The following MACF1 variants were observed in gnomAD, a reference collection of about 807,000 sequenced individuals.
The protein encoded by MACF1 is microtubule actin crosslinking factor 1.
A neutral mutation model predicts 854.8 loss-of-function variants in MACF1; 193 were observed. The ratio of observed to expected loss-of-function variants is 0.23; its 90% CI spans 0.20 to 0.25. MACF1 has a LOEUF of 0.25. MACF1 is among the 10% of genes least tolerant of loss of function. MACF1 has a pLI of 1.00. For missense variants in MACF1, 7,722 were observed against 8,929.1 expected (o/e 0.86, Z 5.45); for synonymous variants, 3,185 against 3,226.7 (o/e 0.99, Z 0.44).
chr1:39,195,222 A>C (rs1388315444), intron 2 of MACF1, among the ~76,000 whole-genome samples: 1 of 151,984 alleles, frequency 6.6e-6, no homozygotes, highest in Non-Finnish European at 1.5e-5. Context: ...TTTTCCAGGC[A>C]CTTGTTCTCG....
intron 70 of MACF1, among the ~76,000 whole-genome samples, chr1:39,437,459 C>T (rs190998331): frequency 2.0e-5 from 3 of 152,012 alleles, no homozygotes; most frequent in African/African-American, 4.8e-5. Flanking sequence ...TACGGGCGTG[C>T]GCCACCACAC....
At chr1:39,440,226 C>T (rs1266749964) in intron 72 of MACF1, among the ~76,000 whole-genome samples, 1 of 150,512 alleles carries the variant, frequency 6.6e-6, no homozygotes, top group Non-Finnish European at 1.5e-5. Flanking sequence ...AATCCAGCCA[C>T]CTCAGCTTCC....
intron 89 of MACF1, 148 bp downstream of exon 89, chr1:39,455,245 A>G (rs1188536672): frequency 2.7e-6 from 2 of 752,208 alleles, no homozygotes; most frequent in South Asian, 2.0e-5. Flanking sequence ...TACTTACCTC[A>G]TAGTTTCTGT....
At position 39,319,649 on chromosome 1, in the gene MACF1, T is replaced by C. The variant is rs757049176; in HGVS notation, c.3946-15T>C. The C allele has an allele frequency of 3.2e-5, 51 of 1,582,684 alleles. No individual in the cohort carries two copies. Among genetic ancestry groups the C allele is most frequent in the Non-Finnish European group, 4.2e-5 (48 of 1,152,226 alleles). ...GGTAATGGCAATGATAATGTTGTGA[T>C]ATTTTGCTTCCTAGGCCCTATTTGC... On this transcript the variant is annotated splice_polypyrimidine_tract_variant and intron_variant, in intron 30 of 100. Transcript: ENST00000564288.
rs191652466 is a variant in MACF1 at position 39,444,423 on chromosome 1, C to T, written c.19432-239C>T. 2.7e-3 allele frequency among the ~76,000 whole-genome samples: 417 copies of T among 152,128 alleles called. 2 individuals carry two copies. Among genetic ancestry groups the T allele is most frequent in the Non-Finnish European group, 4.6e-3 (311 of 67,998 alleles). On this transcript the variant is annotated intron_variant, in intron 79 of 100. Coordinates refer to ENST00000564288, the MANE Select transcript of MACF1 (RefSeq NM_001394062.1). ...TGTTATTTAGTAAAATATGTTAATA[C>T]TTACATTTTAATACAAATGAATTCT...
In MACF1 at chr1:39,332,656, C is replaced by A. The variant is rs1354810061; in HGVS notation, c.6068C>A (p.Ala2023Asp). 6.2e-7 allele frequency: 1 copy of A among 1,614,128 alleles called. No homozygotes were observed. Among genetic ancestry groups the A allele is most frequent in the Non-Finnish European group, 8.5e-7 (1 of 1,180,010 alleles). The change falls in exon 37 of 101, where the codon GCT becomes GAT. Residue 2023 changes from alanine to aspartate, a missense_variant. Around this residue, in one of 15 missense-constraint regions of MACF1, gnomAD observed 1,531 missense variants for 1,601.6 expected, o/e 0.96. Coordinates refer to ENST00000564288, the MANE Select transcript of MACF1 (RefSeq NM_001394062.1). Reference protein sequence around the residue: ...QKTPEGLQESANVKISGTFSS... With the variant: ...QKTPEGLQESDNVKISGTFSS... The stretch of plus-strand genomic sequence containing the variant: ...ACTCCTGAGGGATTGCAAGAATCAG[C>A]TAATGTGAAAATCTCAGGAACTTTC...
In MACF1 at chr1:39,343,057, C is replaced by G. The variant is rs59480992; in HGVS notation, c.10581+2104C>G. On this transcript the variant is annotated intron_variant, in intron 40 of 100. Coordinates refer to ENST00000564288, the MANE Select transcript of MACF1 (RefSeq NM_001394062.1). ...CCTGCTCTAGAGAGTTGCTTTTCTT[C>G]TTCTTAAGCCCCAGATTAATTGATT... Among the ~76,000 whole-genome samples, 996 of 152,202 alleles carry G rather than the reference C, an allele frequency of 6.5e-3. 16 individuals are homozygous for G. Among genetic ancestry groups the G allele is most frequent in the African/African-American group, 0.022 (917 of 41,538 alleles).
intron 58 of MACF1, chr1:39,414,385 G>T (rs1643191089): frequency 6.2e-7 from 1 of 1,613,960 alleles, no homozygotes; most frequent in Non-Finnish European, 8.5e-7. Flanking sequence ...GGAGGACCTT[G>T]ATTCCCTAGT....
chr1:39,326,620 G>A (rs1646616903), intron 35 of MACF1, among the ~76,000 whole-genome samples: 2 of 141,420 alleles, frequency 1.4e-5, no homozygotes, highest in African/African-American at 5.3e-5. Context: ...AGTGGAGGTT[G>A]CAGTAAGCCA....
At chr1:39,110,674 T>C (rs1642380261) in intron 2 of MACF1, among the ~76,000 whole-genome samples, 1 of 152,216 alleles carries the variant, frequency 6.6e-6, no homozygotes, top group Non-Finnish European at 1.5e-5. Flanking sequence ...GTCAGTCTGC[T>C]GGGAAATCAC....
chr1:39,480,888 C>T (rs1158902956), intron 98 of MACF1, 32 bp from the exon 99 acceptor site: 1 of 1,184,964 alleles, frequency 8.4e-7, no homozygotes, highest in Admixed American at 2.0e-5. Flanking sequence ...TTCAATTGTT[C>T]CTGTCCTTCC....
In MACF1 at chr1:39,183,526, A is replaced by G. The variant is rs16825921; in HGVS notation, c.221-47656A>G. ...GAGCAGGCAAGTTACTGTTGCCCCA[A>G]ATCTTCAAGGTGAGAAACAGGTTTG... On this transcript the variant is annotated intron_variant, in intron 2 of 93. Coordinates refer to the MACF1 transcript ENST00000361689. Among the ~76,000 whole-genome samples the G allele has an allele frequency of 2.0e-5, 3 of 152,184 alleles. No homozygotes were observed. The East Asian group carries it at 5.8e-4, about 29-fold the overall frequency.
In MACF1 at chr1:39,334,269, A is replaced by T. The variant is rs941524537; in HGVS notation, c.7681A>T (p.Ile2561Leu). 6.2e-7 allele frequency: 1 copy of T among 1,613,984 alleles called. No homozygotes were observed. Residue 2561 changes from isoleucine to leucine, a missense_variant, in exon 37 of 101, where the codon ATA (isoleucine) becomes TTA (leucine). By Grantham distance (5) the Ile-to-Leu change is conservative. Transcript: ENST00000564288. Reference protein sequence around the residue: ...TKENISLPKAIKLDLITSDLK... With the variant: ...TKENISLPKALKLDLITSDLK... ...GGAAAATATTTCCCTCCCTAAAGCC[A>T]TAAAATTAGATCTTATTACCTCAGA...
intron 58 of MACF1, among the ~76,000 whole-genome samples, chr1:39,407,616 GA>G (rs1642762066): frequency 6.6e-6 from 1 of 152,186 alleles, no homozygotes; most frequent in Non-Finnish European, 1.5e-5. Flanking sequence ...TTTTACCAGA[GA>G]AAGGTCTTTT....
chr1:39,243,352 G>T (rs1411206817), intron 2 of MACF1, among the ~76,000 whole-genome samples: 1 of 152,214 alleles, frequency 6.6e-6, no homozygotes, highest in Non-Finnish European at 1.5e-5. Context: ...TTAGAAAGAA[G>T]CATCCTTATT....
In MACF1 at chr1:39,387,047, C is replaced by T. The variant is rs1048061315; in HGVS notation, c.14345-140C>T. On this transcript the variant is annotated intron_variant, in intron 57 of 100. Transcript: ENST00000564288. ...AAATAAGATAGTGTACATGAAGGAGCCTAATTATATGCCTCTTTTTGGTAG... is the reference window on the plus strand; with the variant it reads ...AAATAAGATAGTGTACATGAAGGAGTCTAATTATATGCCTCTTTTTGGTAG... 3 of 807,250 alleles carry T rather than the reference C, an allele frequency of 3.7e-6. No individual in the cohort carries two copies. The South Asian group carries it at 5.3e-5, about 14-fold the overall frequency. The allele number at this position is 807,250 out of a possible 1,614,324, so 50.0% of individuals were successfully genotyped here.
chr1:39,415,056 T>C (rs1056479623), intron 58 of MACF1, among the ~76,000 whole-genome samples: 13 of 152,204 alleles, frequency 8.5e-5, no homozygotes, highest in African/African-American at 3.1e-4. Flanking sequence ...TCTTTTCAAA[T>C]AGGTATGTTG....
chr1:39,214,432 G>A (rs1349026775), intron 1 of MACF1, among the ~76,000 whole-genome samples: 1 of 152,230 alleles, frequency 6.6e-6, no homozygotes, highest in East Asian at 1.9e-4. Context: ...TCTACTGATG[G>A]ATGAAAGGAT....
At chr1:39,297,830 C>G in intron 21 of MACF1, 85 bp downstream of exon 21, 1 of 1,497,370 alleles carries the variant, frequency 6.7e-7, no homozygotes, top group Non-Finnish European at 9.1e-7. Flanking sequence ...CTTGAAAGCT[C>G]CAGGGCAATG....
Sources: gnomAD v4.1 joint callset for allele counts (sites outside exome capture counted in the v4.1 genomes callset) on GRCh38, gnomAD v4.1.1 for gene constraint, gnomAD v4.1.1 regional missense constraint, MANE v1.5 for transcripts, NCBI Gene and HGNC (gene_info 2026-07-23, HGNC 2026-07-21) for gene names.